The following EFL1 variants were observed in gnomAD, a reference collection of about 807,000 sequenced individuals.
EFL1 encodes the protein elongation factor-like GTPase 1.
A neutral mutation model predicts 126.7 loss-of-function variants in EFL1; 76 were observed. The ratio of observed to expected loss-of-function variants is 0.60; its 90% confidence interval spans 0.50 to 0.73. EFL1 has a LOEUF of 0.73. Among genes scored for constraint, EFL1 ranks in the 30% least tolerant of loss-of-function variants. The pLI is 0.00. For synonymous variants in EFL1, 410 were observed against 448.4 expected (o/e 0.91, Z 1.08); for missense variants, 1,128 against 1,343.2 (o/e 0.84, Z 2.50).
chr15:82,227,012 A>G (rs1447119513), intron 11 of EFL1, among the ~76,000 whole-genome samples: 1 of 152,218 alleles, frequency 6.6e-6, no homozygotes, highest in Non-Finnish European at 1.5e-5. Context: ...TCCTGTGAAG[A>G]CTGAAAACTG....
At chr15:82,215,342 T>G (rs987457182) in intron 14 of EFL1, among the ~76,000 whole-genome samples, 2 of 151,954 alleles carry the variant, frequency 1.3e-5, no homozygotes, top group African/African-American at 4.8e-5. Context: ...TAGTTAGATG[T>G]GATAAAAATG....
At chr15:82,249,294 T>A (rs1187910438) in intron 4 of EFL1, among the ~76,000 whole-genome samples, 1 of 151,314 alleles carries the variant, frequency 6.6e-6, no homozygotes, top group South Asian at 2.1e-4. Flanking sequence ...GAAATATATA[T>A]ATAAATAAAT....
At position 82,253,011 on chromosome 15, in the gene EFL1, C is replaced by A. The variant is rs149338228; in HGVS notation, c.160-236G>T. Among the ~76,000 whole-genome samples, 40 of 151,696 alleles carry A rather than the reference C, an allele frequency of 2.6e-4. No individual in the cohort carries two copies. The East Asian group carries it at 7.6e-3, about 29-fold the overall frequency. Reference sequence around the variant, plus strand: ...GATTACAGGTGTGAACCATCATGCCCAGCCAATACTTAAATTTTAACCTAT... The same window carrying A: ...GATTACAGGTGTGAACCATCATGCCAAGCCAATACTTAAATTTTAACCTAT... On this transcript the variant is annotated intron_variant, in intron 3 of 19. Transcript: ENST00000268206.
At chr15:82,160,135 G>A (rs1181996161) in intron 16 of EFL1, 2 of 152,368 alleles carry the variant, frequency 1.3e-5, no homozygotes, top group Admixed American at 1.3e-4. Context: ...GATTCCCAAG[G>A]CTAGTTCACA....
intron 16 of EFL1, among the ~76,000 whole-genome samples, chr15:82,160,974 AAAT>A (rs138455800): frequency 6.6e-6 from 1 of 152,382 alleles, no homozygotes; most frequent in East Asian, 1.9e-4. Flanking sequence ...ATAATGAAGA[AAAT>A]AATAATTGCT....
intron 19 of EFL1, among the ~76,000 whole-genome samples, chr15:82,131,933 A>C (rs2073651855): frequency 6.6e-6 from 1 of 152,240 alleles, no homozygotes; most frequent in Admixed American, 6.5e-5. Context: ...GTCTCAAAGG[A>C]AAGTCAAGAG....
intron 15 of EFL1, among the ~76,000 whole-genome samples, chr15:82,201,221 C>T (rs566952490): frequency 6.6e-6 from 1 of 152,168 alleles, no homozygotes; most frequent in Non-Finnish European, 1.5e-5. Context: ...ATACATTGAA[C>T]ACTCAAGAGA....
intron 15 of EFL1, among the ~76,000 whole-genome samples, chr15:82,193,888 C>T (rs2074383778): frequency 6.6e-6 from 1 of 152,190 alleles, no homozygotes; most frequent in South Asian, 2.1e-4. Flanking sequence ...GGCTCTCCCA[C>T]CCAACTCGCC....
At chr15:82,212,128 TTC>T (rs1195250585) in intron 15 of EFL1, among the ~76,000 whole-genome samples, 2 of 152,190 alleles carry the variant, frequency 1.3e-5, no homozygotes, top group African/African-American at 2.4e-5. Flanking sequence ...GAAACTTCAA[TTC>T]TGTTTGTATT....
At position 82,138,664 on chromosome 15, in the gene EFL1, A is replaced by G. The variant is rs780538685; in HGVS notation, c.3168T>C (p.His1056=). ...GLASPQLVFS[H]WEIIPSDPFW... ...TGGGAACTTGGATTTTTACCTCCCA[A>G]TGGCTGAATACTAGTTGTGGGCTGG... The change falls in exon 19 of 20, where the codon CAT becomes CAC. Residue 1056 remains histidine (H), a synonymous_variant. Transcript: ENST00000268206. The G allele has an allele frequency of 5.0e-6, 8 of 1,613,382 alleles. No homozygotes were observed. Among genetic ancestry groups the G allele is most frequent in the South Asian group, 4.4e-5 (4 of 90,988 alleles).
chr15:82,214,878 A>G (rs1168930895), intron 14 of EFL1, 23 bp from the exon 15 acceptor site: 2 of 1,596,548 alleles, frequency 1.3e-6, no homozygotes, highest in Non-Finnish European at 8.5e-7. Context: ...AAATGATGGA[A>G]GACAAGTTAG....
intron 15 of EFL1, among the ~76,000 whole-genome samples, chr15:82,197,343 A>C (rs1438686070): frequency 6.6e-6 from 1 of 152,204 alleles, no homozygotes; most frequent in Non-Finnish European, 1.5e-5. Context: ...AAATAATAAA[A>C]CAAATTCAGA....
intron 15 of EFL1, among the ~76,000 whole-genome samples, chr15:82,214,315 C>T (rs1365184818): frequency 2.6e-5 from 4 of 152,156 alleles, no homozygotes; most frequent in Admixed American, 2.0e-4. Context: ...AGGATAAAAG[C>T]ATGCGAAAAA....
intron 8 of EFL1, 74 bp downstream of exon 8, chr15:82,230,774 T>C: frequency 6.7e-7 from 1 of 1,483,596 alleles, no homozygotes; most frequent in Non-Finnish European, 9.0e-7. Context: ...TTACATTTAT[T>C]AAAGATATTA....
intron 16 of EFL1, among the ~76,000 whole-genome samples, chr15:82,161,471 C>T (rs2074023609): frequency 1.3e-5 from 2 of 152,016 alleles, no homozygotes; most frequent in Admixed American, 1.3e-4. Flanking sequence ...AACATGTGGA[C>T]AATGTAAAAA....
In EFL1 at chr15:82,227,447, C is replaced by T; in HGVS notation, c.1192+3G>A. 1 of 1,614,136 alleles carries T rather than the reference C, an allele frequency of 6.2e-7. No homozygotes were observed. Among genetic ancestry groups the T allele is most frequent in the Non-Finnish European group, 8.5e-7 (1 of 1,179,970 alleles). On this transcript the variant is annotated splice_donor_region_variant and intron_variant, in intron 11 of 19. Transcript: ENST00000268206. ...ATATTCCAACAGGTCCATCTTTCCT[C>T]ACCTGCTTTCAGTGCTTGAGTTTCT...
Position 82,163,854 on chromosome 15 carries a change from T to C in EFL1, c.1881A>G (p.Pro627=), listed in dbSNP as rs570887120. The change falls in exon 16 of 20, where the codon CCA becomes CCG. Residue 627 remains proline (P), a splice_region_variant and synonymous_variant. Coordinates refer to ENST00000268206, the MANE Select transcript of EFL1 (RefSeq NM_024580.6). ...CTTTTAAAAATAAGGTCATCTTACTTGGATGTTTTGGTTCAACAGCAACTC... is the reference window on the plus strand; with the variant it reads ...CTTTTAAAAATAAGGTCATCTTACTCGGATGTTTTGGTTCAACAGCAACTC... ...IVRVAVEPKH[P]SEMPQLVKGM... 82 of 1,613,662 alleles carry C rather than the reference T, an allele frequency of 5.1e-5. No homozygotes were observed. In the South Asian group the frequency reaches 8.1e-4, roughly 16 times the overall value.
chr15:82,225,272 A>C lies in EFL1; in HGVS notation c.1193-8T>G, dbSNP rs1402706548. 1 of 1,553,828 alleles carries C rather than the reference A, an allele frequency of 6.4e-7. No individual in the cohort carries two copies. The highest frequency in any genetic ancestry group is 8.7e-7 in the Non-Finnish European group (1 of 1,150,520). On this transcript the variant is annotated splice_polypyrimidine_tract_variant and splice_region_variant and intron_variant, in intron 11 of 19. Coordinates refer to ENST00000268206, the MANE Select transcript of EFL1 (RefSeq NM_024580.6). ...TTCCACATTTCATAAAAGCTAAACAAATAGGAAGTAAAAATGTCACTATTT... is the reference window on the plus strand; with the variant it reads ...TTCCACATTTCATAAAAGCTAAACACATAGGAAGTAAAAATGTCACTATTT...
intron 17 of EFL1, 118 bp downstream of exon 17, chr15:82,157,595 G>A (rs2073981232): frequency 1.5e-5 from 18 of 1,193,690 alleles, no homozygotes; most frequent in Non-Finnish European, 1.2e-6. Context: ...CTGAATTGAG[G>A]GCATTTCATT....
Sources: gnomAD v4.1 joint callset for allele counts (sites outside exome capture counted in the v4.1 genomes callset) on GRCh38, gnomAD v4.1.1 for gene constraint, MANE v1.5 for transcripts, NCBI Gene and HGNC (gene_info 2026-07-23, HGNC 2026-07-21) for gene names.